QTMAN: variants seen among roughly 807,000 people sequenced by gnomAD.
QTMAN encodes tRNA-queuosine alpha-mannosyltransferase.
the QTMAN span, among the ~76,000 whole-genome samples, chr2:144,071,188 G>A: frequency 1.3e-5 from 2 of 150,380 alleles, no homozygotes; most frequent in Non-Finnish European, 3.0e-5. Flanking sequence ...TAAACATACT[G>A]CCACTGTTTT....
At chr2:144,119,502 C>T in the QTMAN span, among the ~76,000 whole-genome samples, 3 of 152,186 alleles carry the variant, frequency 2.0e-5, no homozygotes, top group South Asian at 6.2e-4. Flanking sequence ...TTCTGGTGTA[C>T]CTCATACAGA....
chr2:144,125,382 T>TTAA, the QTMAN span, among the ~76,000 whole-genome samples: 2 of 152,064 alleles, frequency 1.3e-5, no homozygotes, highest in African/African-American at 4.8e-5. Flanking sequence ...AGACTGGAGG[T>TTAA]GTTAGCCTTA....
At chr2:144,327,798 A>C in the QTMAN span, among the ~76,000 whole-genome samples, 2 of 152,174 alleles carry the variant, frequency 1.3e-5, no homozygotes, top group Non-Finnish European at 2.9e-5. Context: ...GGAGAGGGAG[A>C]TCAAGCTGTT....
At chr2:144,268,869 A>T in the QTMAN span, among the ~76,000 whole-genome samples, 1 of 152,024 alleles carries the variant, frequency 6.6e-6, no homozygotes, top group South Asian at 2.1e-4. Flanking sequence ...GGCTCACTGC[A>T]ACCTCCACCT....
At chr2:144,200,843 T>C in the QTMAN span, among the ~76,000 whole-genome samples, 1 of 152,180 alleles carries the variant, frequency 6.6e-6, no homozygotes, top group Non-Finnish European at 1.5e-5. Flanking sequence ...CTTAAGTGAC[T>C]TGTTTCTGTG....
chr2:144,037,016 T>G, the QTMAN span, among the ~76,000 whole-genome samples: 1 of 152,146 alleles, frequency 6.6e-6, no homozygotes, highest in Non-Finnish European at 1.5e-5. Flanking sequence ...AGAAACAAGA[T>G]GCAAACAGTC....
the QTMAN span, chr2:144,178,988 C>T: frequency 8.6e-6 from 4 of 466,654 alleles, no homozygotes; most frequent in Admixed American, 4.8e-5. Context: ...TAGAGAAACT[C>T]GTTACTTTCC....
the QTMAN span, among the ~76,000 whole-genome samples, chr2:144,080,967 T>C: frequency 1.3e-5 from 2 of 152,234 alleles, no homozygotes; most frequent in African/African-American, 4.8e-5. Flanking sequence ...AACCTCATAT[T>C]TATCAGGGGA....
chr2:143,975,808 A>C, the QTMAN span, among the ~76,000 whole-genome samples: 1 of 152,194 alleles, frequency 6.6e-6, no homozygotes, highest in African/African-American at 2.4e-5. Context: ...CCACCTAAAC[A>C]TGCAGCAGAC....
the QTMAN span, among the ~76,000 whole-genome samples, chr2:143,982,751 C>G: frequency 6.6e-6 from 1 of 150,380 alleles, no homozygotes; most frequent in Non-Finnish European, 1.5e-5. Context: ...ATCCTAGCTA[C>G]TCAGGAGGCT....
At chr2:144,110,470 A>G in the QTMAN span, among the ~76,000 whole-genome samples, 2 of 152,276 alleles carry the variant, frequency 1.3e-5, no homozygotes, top group South Asian at 4.1e-4. Context: ...CAGCACACCA[A>G]CATGGCACAT....
chr2:144,324,364 ATAGT>A, the QTMAN span, among the ~76,000 whole-genome samples: 1 of 152,218 alleles, frequency 6.6e-6, no homozygotes, highest in African/African-American at 2.4e-5. Context: ...TATGCTCTAG[ATAGT>A]TCATTAATTC....
chr2:143,989,806 T>G, the QTMAN span, among the ~76,000 whole-genome samples: 11 of 152,230 alleles, frequency 7.2e-5, no homozygotes, highest in Non-Finnish European at 1.5e-4. Flanking sequence ...TCATAATCAG[T>G]AAAAGTTCAG....
At chr2:144,233,102 A>G in the QTMAN span, among the ~76,000 whole-genome samples, 1 of 152,192 alleles carries the variant, frequency 6.6e-6, no homozygotes. Context: ...AGACAAAAAT[A>G]GAAAACAATG....
chr2:143,970,844 A>G, the QTMAN span: 17 of 764,886 alleles, frequency 2.2e-5, no homozygotes, highest in South Asian at 1.8e-4. Context: ...TACAGTATCA[A>G]TTTTTTTCAT....
chr2:144,161,327 T>A, the QTMAN span, among the ~76,000 whole-genome samples: 2 of 152,198 alleles, frequency 1.3e-5, no homozygotes, highest in African/African-American at 4.8e-5. Flanking sequence ...CTTGTTCCAG[T>A]ACCCTGTTGC....
At chr2:144,021,129 A>AG in the QTMAN span, among the ~76,000 whole-genome samples, 1 of 152,232 alleles carries the variant, frequency 6.6e-6, no homozygotes, top group East Asian at 1.9e-4. Context: ...TTGAGTTCCT[A>AG]GAATAATAAA....
the QTMAN span, among the ~76,000 whole-genome samples, chr2:144,283,171 T>C: frequency 7.2e-5 from 11 of 152,202 alleles, no homozygotes; most frequent in African/African-American, 2.4e-4. Context: ...CTCCAATTTG[T>C]AGCTAAGTTG....
the QTMAN span, among the ~76,000 whole-genome samples, chr2:144,022,616 T>G: frequency 6.9e-6 from 1 of 144,052 alleles, no homozygotes; most frequent in Non-Finnish European, 1.5e-5. Context: ...CACGCTGGAG[T>G]GCAGTGGCAC....
Sources: gnomAD v4.1 joint callset for allele counts (sites outside exome capture counted in the v4.1 genomes callset) on GRCh38, gnomAD v4.1.1 for gene constraint, MANE v1.5 for transcripts, NCBI Gene and HGNC (gene_info 2026-07-23, HGNC 2026-07-21) for gene names.